Variants in PKNOX2 observed in about 807,000 individuals in gnomAD.
PKNOX2 encodes PBX/knotted 1 homeobox 2, also known as homeobox protein PKNOX2.
A neutral mutation model predicts 53.1 loss-of-function variants in PKNOX2; 14 were observed. The observed-to-expected ratio is 0.26, with a 90% CI of 0.17 to 0.41. The LOEUF (loss-of-function observed/expected upper bound fraction) is 0.41, where lower values mean the gene tolerates loss of function less well. Among genes scored for constraint, PKNOX2 ranks in the 10% least tolerant of loss-of-function variants. The pLI, the probability that PKNOX2 is intolerant of heterozygous loss-of-function variation, is 1.00. For synonymous variants in PKNOX2, 257 were observed against 242.8 expected, an observed-to-expected ratio of 1.06 and a Z score of -0.54; for missense variants, 496 against 602.8, an observed-to-expected ratio of 0.82 and a Z score of 1.85.
intron 1 of PKNOX2, among the ~76,000 whole-genome samples, chr11:125,222,483 T>C (rs559894822): frequency 5.3e-5 from 8 of 152,336 alleles, no homozygotes; most frequent in African/African-American, 1.7e-4. Context: ...GGGACTGGGT[T>C]AAAGAACAGT....
chr11:125,410,675 T>G, intron 8 of PKNOX2, 104 bp from the exon 9 acceptor site: 1 of 855,780 alleles, frequency 1.2e-6, no homozygotes, highest in East Asian at 2.6e-5. Context: ...GGGCTCCAAG[T>G]AGAGGGTCTT....
intron 2 of PKNOX2, chr11:125,239,477 G>A (rs1373108316): frequency 1.3e-5 from 2 of 152,152 alleles, no homozygotes; most frequent in African/African-American, 4.8e-5. Context: ...TGGCTGGAGG[G>A]GACTTGCAAG....
chr11:125,168,876 T>C (rs1398835985), intron 1 of PKNOX2, among the ~76,000 whole-genome samples: 2 of 152,256 alleles, frequency 1.3e-5, no homozygotes, highest in Non-Finnish European at 2.9e-5. Context: ...ATAAAATTTA[T>C]AGGCTTCCAA....
At chr11:125,234,148 C>A (rs1158481507) in intron 1 of PKNOX2, among the ~76,000 whole-genome samples, 3 of 152,198 alleles carry the variant, frequency 2.0e-5, no homozygotes, top group East Asian at 3.9e-4. Flanking sequence ...CATTCAAATT[C>A]CACCTCCTCA....
At chr11:125,208,222 G>T (rs1565469557) in intron 1 of PKNOX2, among the ~76,000 whole-genome samples, 1 of 152,150 alleles carries the variant, frequency 6.6e-6, no homozygotes, top group South Asian at 2.1e-4. Context: ...GATATGCAAA[G>T]GTCCTGAGGC....
chr11:125,296,297 T>TC (rs1947650953), intron 2 of PKNOX2, among the ~76,000 whole-genome samples: 1 of 152,116 alleles, frequency 6.6e-6, no homozygotes, highest in South Asian at 2.1e-4. Context: ...GAATGAACAC[T>TC]CAAAGTCTAC....
chr11:125,346,988 A>T (rs1317931262), intron 3 of PKNOX2, among the ~76,000 whole-genome samples: 1 of 151,906 alleles, frequency 6.6e-6, no homozygotes, highest in Non-Finnish European at 1.5e-5. Context: ...AGAGGGTAAC[A>T]TCACTGCAAA....
At chr11:125,402,854 T>A (rs1326610854) in intron 7 of PKNOX2, among the ~76,000 whole-genome samples, 1 of 152,156 alleles carries the variant, frequency 6.6e-6, no homozygotes, top group Non-Finnish European at 1.5e-5. Flanking sequence ...TCATGGCCAG[T>A]TTGTTCCTGC....
At chr11:125,405,001 T>C (rs909090328) in intron 7 of PKNOX2, among the ~76,000 whole-genome samples, 6 of 152,156 alleles carry the variant, frequency 3.9e-5, no homozygotes, top group Non-Finnish European at 7.4e-5. Flanking sequence ...ACGCGCCTTC[T>C]GGGAGGCTTT....
rs749991817 is a variant in PKNOX2, at chr11:125,431,166, G to T, written c.1193G>T (p.Gly398Val). Residue 398 changes from glycine to valine, a missense_variant and splice_region_variant, in exon 13 of 13, where the codon GGT becomes GTT. Physicochemically the swap from Gly to Val is moderately radical, Grantham distance 109. Coordinates refer to ENST00000298282, the MANE Select transcript of PKNOX2 (RefSeq NM_001382323.2). ...TCCTGACCCTTGCTTTCTCTCGCAG[G>T]TTCCATCAACTTGGACAACCTGCAG... Reference protein sequence around the residue: ...QGGAPGTNPDGSINLDNLQSL... With the variant: ...QGGAPGTNPDVSINLDNLQSL... The T allele has an allele frequency of 5.4e-5, 87 of 1,613,176 alleles. No individual in the cohort carries two copies. Among genetic ancestry groups the T allele is most frequent in the Middle Eastern group, 1.6e-4 (1 of 6,078 alleles).
chr11:125,398,140 C>T (rs1954524148), intron 7 of PKNOX2, 78 bp downstream of exon 7: 1 of 1,426,690 alleles, frequency 7.0e-7, no homozygotes, highest in African/African-American at 1.4e-5. Context: ...GAGGAAGGTC[C>T]CCTGGTGACC....
chr11:125,385,947 T>A (rs1953602451), intron 6 of PKNOX2, among the ~76,000 whole-genome samples: 1 of 152,218 alleles, frequency 6.6e-6, no homozygotes, highest in Non-Finnish European at 1.5e-5. Flanking sequence ...TGCCCATCTA[T>A]GCCCAGGGTG....
chr11:125,356,695 C>G (rs1951637523), intron 4 of PKNOX2, among the ~76,000 whole-genome samples: 1 of 152,244 alleles, frequency 6.6e-6, no homozygotes, highest in Non-Finnish European at 1.5e-5. Context: ...CTCTGGGCAC[C>G]TTCTTTCCCT....
chr11:125,230,832 GT>G (rs1942147722), intron 1 of PKNOX2, among the ~76,000 whole-genome samples: 1 of 152,188 alleles, frequency 6.6e-6, no homozygotes, highest in Non-Finnish European at 1.5e-5. Flanking sequence ...AGGTGCTACT[GT>G]TAGCACACTT....
At chr11:125,229,478 T>C (rs1277511824) in intron 1 of PKNOX2, among the ~76,000 whole-genome samples, 1 of 152,186 alleles carries the variant, frequency 6.6e-6, no homozygotes, top group Admixed American at 6.5e-5. Context: ...TGTTGGCAGA[T>C]ATAAAAACAC....
At chr11:125,408,603 A>G (rs1260468842) in intron 7 of PKNOX2, among the ~76,000 whole-genome samples, 1 of 152,156 alleles carries the variant, frequency 6.6e-6, no homozygotes, top group Non-Finnish European at 1.5e-5. Context: ...CCAGGAGAGT[A>G]AAAAAAGGCA....
chr11:125,180,372 G>GGAAT (rs1213112455), intron 1 of PKNOX2, among the ~76,000 whole-genome samples: 1 of 152,182 alleles, frequency 6.6e-6, no homozygotes, highest in Non-Finnish European at 1.5e-5. Context: ...CAATGTTTGT[G>GGAAT]GAATGAATGA....
At chr11:125,196,316 G>A (rs1937683648) in intron 1 of PKNOX2, among the ~76,000 whole-genome samples, 1 of 152,126 alleles carries the variant, frequency 6.6e-6, no homozygotes, top group Non-Finnish European at 1.5e-5. Flanking sequence ...TCGGGGCTGG[G>A]CTGCACATTT....
chr11:125,411,584 A>G (rs911846560), intron 9 of PKNOX2, 162 bp from the exon 10 acceptor site: 2 of 1,015,924 alleles, frequency 2.0e-6, no homozygotes, highest in African/African-American at 3.3e-5. Context: ...CCACTCTCTG[A>G]GGGGCTGGCA....
Sources: allele counts gnomAD v4.1 joint callset (sites outside exome capture counted in the v4.1 genomes callset), GRCh38; gene constraint gnomAD v4.1.1; transcripts MANE v1.5; gene names NCBI Gene and HGNC (gene_info 2026-07-23, HGNC 2026-07-21).